Variants in KRT75 observed in about 807,000 individuals in gnomAD.
KRT75 encodes keratin 75.
In KRT75, 35 loss-of-function variants were observed where a neutral mutation model predicts 48.8. The observed-to-expected ratio is 0.72, with a 90% confidence interval of 0.55 to 0.95. The LOEUF is 0.95. Among genes scored for constraint, KRT75 ranks in the 40% least tolerant of loss-of-function variants. The pLI, the probability that KRT75 is intolerant of heterozygous loss-of-function variation, is 0.00. For missense variants in KRT75, 776 were observed against 709.9 expected (o/e 1.09, Z -1.06); for synonymous variants, 301 against 282.3 (o/e 1.07, Z -0.66).
intron 4 of KRT75, 21 bp from the exon 5 acceptor site, chr12:52,430,726 C>G: frequency 6.2e-7 from 1 of 1,613,944 alleles, no homozygotes; most frequent in Non-Finnish European, 8.5e-7. Flanking sequence ...GTAAACTCAG[C>G]ATCACCAAGG....
rs1416620196 is a variant in KRT75 at position 52,424,522 on chromosome 12, G to A, written c.1651C>T (p.His551Tyr). The change falls in exon 9 of 9, where the codon CAC becomes TAC. Residue 551 changes from histidine to tyrosine, a missense_variant. By Grantham distance (83) the His-to-Tyr change is moderately conservative. Coordinates refer to ENST00000252245, the MANE Select transcript of KRT75 (RefSeq NM_004693.3). ...TTSSSQKSYT[H>Y] ...GAGGGAGCCATGGGGCTCTCTTAGTGCGTGTAGCTCTTCTGGCTGGAGGAT... is the reference window on the plus strand; with the variant it reads ...GAGGGAGCCATGGGGCTCTCTTAGTACGTGTAGCTCTTCTGGCTGGAGGAT... 8 of 1,613,736 alleles carry A rather than the reference G, an allele frequency of 5.0e-6. No homozygotes were observed. The African/African-American group carries it at 6.7e-5, about 13-fold the overall frequency.
intron 5 of KRT75, among the ~76,000 whole-genome samples, chr12:52,429,185 G>C (rs1217859481): frequency 6.6e-6 from 1 of 152,166 alleles, no homozygotes; most frequent in East Asian, 1.9e-4. Context: ...TGAGTTCTAG[G>C]AGTGAGACGG....
In KRT75 at chr12:52,424,335, G is replaced by A; in HGVS notation, c.*182C>T. 1.4e-6 allele frequency: 1 copy of A among 717,994 alleles called. No homozygotes were observed. Among genetic ancestry groups the A allele is most frequent in the Non-Finnish European group, 2.5e-6 (1 of 393,922 alleles). 44.5% of individuals were successfully genotyped at this position (717,994 alleles called of 1,614,324 possible). A position where few individuals can be genotyped will look rare whatever the true frequency, so the allele number is the denominator to read the frequency against. On this transcript the variant is annotated 3_prime_UTR_variant, in exon 9 of 9. Coordinates refer to ENST00000252245, the MANE Select transcript of KRT75 (RefSeq NM_004693.3). ...CATGTGTAACAGACGGGTGCTGCTG[G>A]CAGTCTGGGCACTGTCAGGAGGGAG...
At chr12:52,433,440 T>G (rs551049057) in intron 1 of KRT75, among the ~76,000 whole-genome samples, 188 bp from the exon 2 acceptor site, 1 of 147,456 alleles carries the variant, frequency 6.8e-6, no homozygotes, top group South Asian at 2.1e-4. Flanking sequence ...AGGGCTTGCA[T>G]AGGATTCGGG....
In KRT75 at chr12:52,424,599, C is replaced by T. The variant is rs1275332371; in HGVS notation, c.1574G>A (p.Ser525Asn). The T allele has an allele frequency of 3.7e-6, 6 of 1,614,212 alleles. No homozygotes were observed. Among genetic ancestry groups the T allele is most frequent in the Non-Finnish European group, 5.1e-6 (6 of 1,180,032 alleles). The change falls in exon 9 of 9, where the codon AGC becomes AAC. Residue 525 changes from serine (S) to asparagine (N), a missense_variant. Coordinates refer to ENST00000252245, the MANE Select transcript of KRT75 (RefSeq NM_004693.3). ...ACCACTGCCCCCTAAGCCCCGGTTG[C>T]TGGTGGCACTGAATCCAGAACCTCC... ...GLGGSGFSATSNRGLGGSGSS... is the reference protein window; with the variant it reads ...GLGGSGFSATNNRGLGGSGSS...
rs1592161374 is a variant in KRT75, at chr12:52,424,464, G to C, written c.*53C>G. On this transcript the variant is annotated 3_prime_UTR_variant, in exon 9 of 9. Coordinates refer to ENST00000252245, the MANE Select transcript of KRT75 (RefSeq NM_004693.3). ...GGAAGGAGGAGGACCCTGGTGTCCA[G>C]GTGTGACTGCAAACAGGCCTCAAGG... 2 of 1,487,878 alleles carry C rather than the reference G, an allele frequency of 1.3e-6. No homozygotes were observed. The highest frequency in any genetic ancestry group is 4.5e-5 in the East Asian group (2 of 44,258). The allele number at this position is 1,487,878 out of a possible 1,614,324, so 92.2% of individuals were successfully genotyped here.
chr12:52,433,886 G>A lies in KRT75; in HGVS notation c.419C>T (p.Pro140Leu). Residue 140 changes from proline (P) to leucine (L), a missense_variant, in exon 1 of 9, where the codon CCC (proline) becomes CTC (leucine). Physicochemically the swap from Pro to Leu is moderately conservative, Grantham distance 98. Coordinates refer to ENST00000252245, the MANE Select transcript of KRT75 (RefSeq NM_004693.3). ...CTCGGCCCGCACCCGCTGGATGGTG[G>A]GGTCGATTTGCAGGTGAAGAGGAGT... ...LLTPLHLQID[P>L]TIQRVRAEER... 1 of 1,614,176 alleles carries A rather than the reference G, an allele frequency of 6.2e-7. No individual in the cohort carries two copies. The highest frequency in any genetic ancestry group is 2.2e-5 in the East Asian group (1 of 44,876).
intron 8 of KRT75, 105 bp from the exon 9 acceptor site, chr12:52,424,860 T>A (rs1277645275): frequency 1.1e-6 from 1 of 894,860 alleles, no homozygotes; most frequent in Non-Finnish European, 1.9e-6. Flanking sequence ...GGGGGTGGTC[T>A]CGTCAGCCAG....
At chr12:52,425,039 T>C (rs1432461225) in intron 8 of KRT75, among the ~76,000 whole-genome samples, 6 of 152,092 alleles carry the variant, frequency 3.9e-5, no homozygotes, top group African/African-American at 1.4e-4. Flanking sequence ...TTCCCTTTGA[T>C]CCTCCTGCTG....
At position 52,424,667 on chromosome 12, in the gene KRT75, G is replaced by A. The variant is rs773633228; in HGVS notation, c.1506C>T (p.Tyr502=). 6 of 1,614,040 alleles carry A rather than the reference G, an allele frequency of 3.7e-6. No homozygotes were observed. Among genetic ancestry groups the A allele is most frequent in the Non-Finnish European group, 4.2e-6 (5 of 1,179,992 alleles). The change falls in exon 9 of 9, where the codon TAC becomes TAT. Residue 502 remains tyrosine (Y), a synonymous_variant. Transcript: ENST00000252245. ...GNLGLGGGSG[Y]SFTTSGGHSL... The stretch of plus-strand genomic sequence containing the variant: ...TATGCCCACCACTGGTGGTGAAGGA[G>A]TAGCCGCTGCCCCCACCGAGGCCCA...
rs138137930 is a variant in KRT75 at position 52,433,855 on chromosome 12, G to A, written c.450C>T (p.Arg150=). 34 of 1,614,030 alleles carry A rather than the reference G, an allele frequency of 2.1e-5. No homozygotes were observed. Among genetic ancestry groups the A allele is most frequent in the Admixed American group, 3.3e-5 (2 of 60,002 alleles). Residue 150 remains arginine (R), a synonymous_variant, in exon 1 of 9, where the codon CGC becomes CGT. Coordinates refer to ENST00000252245, the MANE Select transcript of KRT75 (RefSeq NM_004693.3). ...TATTGTTGAGGGTCTTGATCTGCTC[G>A]CGCTCCTCGGCCCGCACCCGCTGGA... is the stretch of plus-strand genomic sequence containing the variant. ...PTIQRVRAEE[R]EQIKTLNNKF...
At chr12:52,430,466 G>A in intron 5 of KRT75, 75 bp downstream of exon 5, 1 of 1,456,990 alleles carries the variant, frequency 6.9e-7, no homozygotes, top group South Asian at 1.1e-5. Flanking sequence ...CGTTTCCTGA[G>A]GCTGAGTTAA....
Position 52,431,634 on chromosome 12 carries a change from A to G in KRT75, c.779T>C (p.Val260Ala). ...CACCTTGTTCATATAGGCAGCATCTACGTCCTGGAATGACAGCGCAGGATG... is the reference window on the plus strand; with the variant it reads ...CACCTTGTTCATATAGGCAGCATCTGCGTCCTGGAATGACAGCGCAGGATG... ...ENEFVALKKD[V>A]DAAYMNKVEL... The change falls in exon 4 of 9, where the codon GTA becomes GCA. Residue 260 changes from valine (V) to alanine (A), a missense_variant. Transcript: ENST00000252245. The G allele has an allele frequency of 6.2e-7, 1 of 1,612,204 alleles. No individual in the cohort carries two copies. The highest frequency in any genetic ancestry group is 8.5e-7 in the Non-Finnish European group (1 of 1,178,186).
intron 2 of KRT75, among the ~76,000 whole-genome samples, 159 bp from the exon 3 acceptor site, chr12:52,432,225 A>G (rs1940154608): frequency 6.6e-6 from 1 of 152,180 alleles, no homozygotes; most frequent in Non-Finnish European, 1.5e-5. Context: ...TTCTCCCTCC[A>G]TAAAAGGGGG....
At chr12:52,425,096 T>C (rs1222412854) in intron 8 of KRT75, among the ~76,000 whole-genome samples, 1 of 151,382 alleles carries the variant, frequency 6.6e-6, no homozygotes, top group South Asian at 2.1e-4. Context: ...CCAGAGTTTC[T>C]CTTCCTTCTG....
chr12:52,431,717 C>T, intron 3 of KRT75, 79 bp from the exon 4 acceptor site: 1 of 1,119,264 alleles, frequency 8.9e-7, no homozygotes, highest in Non-Finnish European at 1.4e-6. Context: ...CAGATTTCTC[C>T]CCAGCCCATC....
chr12:52,433,720 T>C, intron 1 of KRT75, 87 bp downstream of exon 1: 3 of 1,587,106 alleles, frequency 1.9e-6, no homozygotes, highest in Non-Finnish European at 2.6e-6. Context: ...GTGGGGTCAT[T>C]GCATTATTGC....
intron 7 of KRT75, among the ~76,000 whole-genome samples, chr12:52,427,452 C>A (rs1035685288): frequency 1.3e-5 from 2 of 152,160 alleles, no homozygotes; most frequent in African/African-American, 4.8e-5. Context: ...TCTCAACAAC[C>A]CCATGAGGTA....
At position 52,424,713 on chromosome 12, in the gene KRT75, C is replaced by T. The variant is rs190770422; in HGVS notation, c.1460G>A (p.Ser487Asn). Residue 487 changes from serine to asparagine, a missense_variant, in exon 9 of 9, where the codon AGC (serine) becomes AAC (asparagine). By Grantham distance (46) the Ser-to-Asn change is conservative. Coordinates refer to ENST00000252245, the MANE Select transcript of KRT75 (RefSeq NM_004693.3). ...STLSSGYGSG[S>N]SIGGGNLGLG... is the part of the protein sequence containing the mutation. ...GCCCAGGTTTCCACCTCCAATGCTG[C>T]TGCCGCTTCCATAGCCACTGGAAAG... is the stretch of plus-strand genomic sequence containing the variant. 106 of 1,614,094 alleles carry T rather than the reference C, an allele frequency of 6.6e-5. No homozygotes were observed. In the East Asian group the frequency reaches 1.9e-3, roughly 30 times the overall value.
Sources: gnomAD v4.1 joint callset for allele counts (sites outside exome capture counted in the v4.1 genomes callset) on GRCh38, gnomAD v4.1.1 for gene constraint, MANE v1.5 for transcripts, NCBI Gene and HGNC (gene_info 2026-07-23, HGNC 2026-07-21) for gene names.